Variants in ST8SIA1 observed in about 807,000 individuals in gnomAD.
ST8SIA1 encodes the protein ST8 alpha-N-acetyl-neuraminide alpha-2,8-sialyltransferase 1, also known as alpha-N-acetylneuraminide alpha-2,8-sialyltransferase.
ST8SIA1 carries 16 observed loss-of-function variants against 35.9 expected under a neutral mutation model. The observed-to-expected ratio is 0.45, with a 90% CI of 0.30 to 0.68. The LOEUF (loss-of-function observed/expected upper bound fraction) is 0.68. Among genes scored for constraint, ST8SIA1 ranks in the 30% least tolerant of loss-of-function variants. The pLI is 0.09. For synonymous variants in ST8SIA1, 170 were observed against 169.6 expected (o/e 1.00, Z -0.02); for missense variants, 383 against 453.6 (o/e 0.84, Z 1.41).
At chr12:22,261,067 C>T (rs113262559) in intron 2 of ST8SIA1, among the ~76,000 whole-genome samples, 5 of 151,458 alleles carry the variant, frequency 3.3e-5, no homozygotes, top group African/African-American at 7.3e-5. Context: ...TTTGTAGACA[C>T]GAGGTTTCAC....
intron 4 of ST8SIA1, among the ~76,000 whole-genome samples, chr12:22,208,135 C>T (rs933605555): frequency 1.0e-5 from 1 of 97,844 alleles, no homozygotes. Flanking sequence ...GTCTGTCTCA[C>T]AAAAAAAAAA....
At chr12:22,206,682 A>G (rs1565566518) in intron 4 of ST8SIA1, among the ~76,000 whole-genome samples, 1 of 152,182 alleles carries the variant, frequency 6.6e-6, no homozygotes, top group Non-Finnish European at 1.5e-5. Context: ...CGTTGCCACC[A>G]TCTCAACCCA....
At chr12:22,275,385 T>C (rs908533689) in intron 2 of ST8SIA1, among the ~76,000 whole-genome samples, 1 of 152,114 alleles carries the variant, frequency 6.6e-6, no homozygotes, top group Admixed American at 6.6e-5. Flanking sequence ...TGAAACCCCA[T>C]CTCTATGAGA....
chr12:22,221,689 T>C (rs1865302156), intron 4 of ST8SIA1, among the ~76,000 whole-genome samples: 1 of 152,232 alleles, frequency 6.6e-6, no homozygotes, highest in Non-Finnish European at 1.5e-5. Context: ...TAAGAGTTAA[T>C]TATATTACAG....
intron 4 of ST8SIA1, among the ~76,000 whole-genome samples, chr12:22,207,159 G>A (rs1481156039): frequency 6.6e-6 from 1 of 152,186 alleles, no homozygotes; most frequent in African/African-American, 2.4e-5. Flanking sequence ...ACTTTCAAAG[G>A]ATTCCAGAGA....
At chr12:22,290,611 G>A (rs1866162540) in intron 1 of ST8SIA1, among the ~76,000 whole-genome samples, 1 of 152,186 alleles carries the variant, frequency 6.6e-6, no homozygotes, top group Non-Finnish European at 1.5e-5. Flanking sequence ...ACAGACATCT[G>A]TGGTTGTTTG....
chr12:22,321,515 G>C (rs1241291273), intron 1 of ST8SIA1, among the ~76,000 whole-genome samples: 1 of 152,214 alleles, frequency 6.6e-6, no homozygotes, highest in African/African-American at 2.4e-5. Flanking sequence ...CAAGCGCCTA[G>C]AGGTTCTAGA....
chr12:22,235,892 C>CCA (rs3831855), intron 4 of ST8SIA1, among the ~76,000 whole-genome samples: 63,352 of 149,274 alleles, frequency 0.42, 14,341 homozygotes, highest in East Asian at 0.6. Flanking sequence ...ATTCCCTTCA[C>CCA]CACACACACA....
intron 1 of ST8SIA1, among the ~76,000 whole-genome samples, chr12:22,298,474 T>C (rs926521443): frequency 3.3e-5 from 5 of 152,170 alleles, no homozygotes; most frequent in Admixed American, 1.3e-4. Context: ...TTCTTATTGG[T>C]AGGGAGAAAT....
At chr12:22,284,136 A>C (rs532314788) in intron 2 of ST8SIA1, among the ~76,000 whole-genome samples, 18 of 152,246 alleles carry the variant, frequency 1.2e-4, no homozygotes, top group African/African-American at 4.3e-4. Flanking sequence ...AATGTACCAG[A>C]GCATCTCCCT....
chr12:22,312,139 CT>C (rs1193009159), intron 1 of ST8SIA1, among the ~76,000 whole-genome samples: 2 of 152,114 alleles, frequency 1.3e-5, no homozygotes, highest in Non-Finnish European at 2.9e-5. Flanking sequence ...AACCCTCCCT[CT>C]CCTCTAAATA....
intron 1 of ST8SIA1, among the ~76,000 whole-genome samples, chr12:22,331,485 A>G (rs1422928273): frequency 3.9e-5 from 6 of 152,258 alleles, no homozygotes; most frequent in African/African-American, 1.2e-4. Context: ...ATCTCAACAT[A>G]TAAGTGCACC....
chr12:22,203,743 C>A (rs1355607778), intron 4 of ST8SIA1, among the ~76,000 whole-genome samples: 1 of 152,170 alleles, frequency 6.6e-6, no homozygotes, highest in East Asian at 1.9e-4. Flanking sequence ...CTCTGCTTAG[C>A]AATTCCTTTC....
At chr12:22,309,793 G>C (rs1166274140) in intron 1 of ST8SIA1, among the ~76,000 whole-genome samples, 2 of 152,152 alleles carry the variant, frequency 1.3e-5, no homozygotes, top group Non-Finnish European at 2.9e-5. Context: ...GTCTGGATCA[G>C]TGAAGAAAGG....
chr12:22,202,030 T>C lies in ST8SIA1; in HGVS notation c.593A>G (p.Asn198Ser), dbSNP rs761257225. Residue 198 changes from asparagine to serine, a missense_variant, in exon 5 of 5, where the codon AAC becomes AGC. Transcript: ENST00000396037. ...AAATGTCTTTCTGGACCACAGAAGGTTCTGAAACCTATTGAAGAAAAAAAA... is the reference window on the plus strand; with the variant it reads ...AAATGTCTTTCTGGACCACAGAAGGCTCTGAAACCTATTGAAGAAAAAAAA... ...NPSIIRQRFQNLLWSRKTFVD... is the reference protein window; with the variant it reads ...NPSIIRQRFQSLLWSRKTFVD... The C allele has an allele frequency of 5.7e-6, 9 of 1,578,744 alleles. No individual in the cohort carries two copies. The South Asian group carries it at 7.1e-5, about 12-fold the overall frequency.
intron 4 of ST8SIA1, among the ~76,000 whole-genome samples, chr12:22,202,341 C>T (rs1430473612): frequency 6.6e-6 from 1 of 152,126 alleles, no homozygotes; most frequent in African/African-American, 2.4e-5. Flanking sequence ...AAATGGAAAA[C>T]GGTTTAATTC....
At chr12:22,257,724 G>A (rs1400987217) in intron 2 of ST8SIA1, among the ~76,000 whole-genome samples, 2 of 151,960 alleles carry the variant, frequency 1.3e-5, no homozygotes, top group Non-Finnish European at 2.9e-5. Flanking sequence ...GGCAGAAGAG[G>A]GAGGGAGAAG....
At chr12:22,329,356 A>G (rs1866727775) in intron 1 of ST8SIA1, among the ~76,000 whole-genome samples, 1 of 152,192 alleles carries the variant, frequency 6.6e-6, no homozygotes, top group Admixed American at 6.5e-5. Flanking sequence ...TTGGGGAAAA[A>G]AAAACATATA....
intron 1 of ST8SIA1, among the ~76,000 whole-genome samples, chr12:22,303,895 G>A (rs1342514374): frequency 1.5e-5 from 2 of 134,196 alleles, no homozygotes; most frequent in African/African-American, 5.7e-5. Context: ...CACAAAAGTG[G>A]TGTGGTACAG....
Sources: allele counts gnomAD v4.1 joint callset (sites outside exome capture counted in the v4.1 genomes callset), GRCh38; gene constraint gnomAD v4.1.1; transcripts MANE v1.5; gene names NCBI Gene and HGNC (gene_info 2026-07-23, HGNC 2026-07-21).